TENM4: variants seen among roughly 807,000 people sequenced by gnomAD.
TENM4 encodes the protein teneurin-4.
Under a neutral mutation model 243.3 loss-of-function variants are expected in TENM4, and 82 were observed. The ratio of observed to expected loss-of-function variants is 0.34; its 90% CI spans 0.28 to 0.40. The LOEUF is 0.40. TENM4 is among the 10% of genes least tolerant of loss of function. The pLI, the probability that TENM4 is intolerant of heterozygous loss-of-function variation, is 1.00. For synonymous variants in TENM4, 1,412 were observed against 1,456.3 expected (o/e 0.97, Z 0.69); for missense variants, 3,138 against 3,673.3 (o/e 0.85, Z 3.77).
At chr11:78,964,491 T>A (rs1230994250) in intron 6 of TENM4, among the ~76,000 whole-genome samples, 1 of 152,200 alleles carries the variant, frequency 6.6e-6, no homozygotes, top group African/African-American at 2.4e-5. Context: ...AGGTACAACC[T>A]CTGGGTGGCT....
At chr11:79,196,156 C>A (rs1215878130) in intron 3 of TENM4, among the ~76,000 whole-genome samples, 1 of 152,110 alleles carries the variant, frequency 6.6e-6, no homozygotes, top group Non-Finnish European at 1.5e-5. Flanking sequence ...TCCTGTTAAA[C>A]TTCTTTTTGT....
chr11:79,240,813 T>G (rs1864574910), intron 2 of TENM4, among the ~76,000 whole-genome samples: 1 of 152,108 alleles, frequency 6.6e-6, no homozygotes. Context: ...TTCTTTCAAG[T>G]TTTTCTACTT....
intron 1 of TENM4, among the ~76,000 whole-genome samples, chr11:79,370,577 C>G (rs1857761641): frequency 6.6e-6 from 1 of 152,100 alleles, no homozygotes; most frequent in Non-Finnish European, 1.5e-5. Context: ...AAACAAAACT[C>G]TTTATCCTCC....
At chr11:78,793,609 C>T (rs1343882964) in intron 15 of TENM4, among the ~76,000 whole-genome samples, 1 of 152,162 alleles carries the variant, frequency 6.6e-6, no homozygotes, top group Admixed American at 6.5e-5. Context: ...AAAGTCCAAG[C>T]CAAACCATTA....
At chr11:78,760,354 A>G (rs1856401836) in intron 18 of TENM4, among the ~76,000 whole-genome samples, 1 of 152,230 alleles carries the variant, frequency 6.6e-6, no homozygotes. Flanking sequence ...TTTGGACCCC[A>G]GTTCCCAATT....
intron 6 of TENM4, among the ~76,000 whole-genome samples, chr11:79,054,498 C>T (rs929378737): frequency 6.6e-6 from 1 of 151,696 alleles, no homozygotes; most frequent in Non-Finnish European, 1.5e-5. Flanking sequence ...ATTCCAGGTA[C>T]CATCTTTTTT....
chr11:79,012,076 A>C (rs1241818990), intron 6 of TENM4, among the ~76,000 whole-genome samples: 1 of 152,212 alleles, frequency 6.6e-6, no homozygotes, highest in Non-Finnish European at 1.5e-5. Flanking sequence ...TGGGAGGATC[A>C]AGGAGGAACA....
chr11:79,305,489 G>A (rs1168824412), intron 1 of TENM4, among the ~76,000 whole-genome samples: 2 of 152,164 alleles, frequency 1.3e-5, no homozygotes, highest in African/African-American at 4.8e-5. Flanking sequence ...CAACTCTACC[G>A]GGATGGAATG....
At chr11:78,822,615 A>G in intron 12 of TENM4, among the ~76,000 whole-genome samples, 1 of 152,160 alleles carries the variant, frequency 6.6e-6, no homozygotes, top group Non-Finnish European at 1.5e-5. Flanking sequence ...TAGTTAAGGC[A>G]TGTGGGGCTT....
intron 19 of TENM4, among the ~76,000 whole-genome samples, chr11:78,739,051 T>C (rs1855864148): frequency 6.6e-6 from 1 of 151,990 alleles, no homozygotes; most frequent in South Asian, 2.1e-4. Context: ...TTATTAACAG[T>C]CTCATTGGAA....
intron 1 of TENM4, among the ~76,000 whole-genome samples, chr11:79,382,018 AT>A (rs773368822): frequency 1.3e-5 from 2 of 152,196 alleles, no homozygotes; most frequent in Non-Finnish European, 2.9e-5. Flanking sequence ...TTTAGGGAGC[AT>A]TTGGCACGTG....
intron 2 of TENM4, among the ~76,000 whole-genome samples, chr11:79,276,048 T>C (rs1480394883): frequency 4.0e-5 from 6 of 151,838 alleles, no homozygotes; most frequent in Non-Finnish European, 8.8e-5. Context: ...ACTGTAAAGC[T>C]GAAAGAGACC....
intron 6 of TENM4, among the ~76,000 whole-genome samples, chr11:79,041,140 T>C (rs923868429): frequency 2.0e-5 from 3 of 151,678 alleles, no homozygotes; most frequent in African/African-American, 7.3e-5. Context: ...CTTAGCTCAA[T>C]GCAACCTCCG....
intron 6 of TENM4, among the ~76,000 whole-genome samples, chr11:79,027,158 G>A (rs769106473): frequency 6.6e-6 from 1 of 152,190 alleles, no homozygotes; most frequent in Non-Finnish European, 1.5e-5. Flanking sequence ...AAGGAATGCT[G>A]TAAAATTTAG....
At chr11:78,893,092 G>C (rs935980617) in intron 7 of TENM4, among the ~76,000 whole-genome samples, 8 of 152,246 alleles carry the variant, frequency 5.3e-5, no homozygotes, top group African/African-American at 1.9e-4. Context: ...CTTTTGGTGA[G>C]TCGTGAAGCA....
chr11:78,915,417 G>A (rs949206694), intron 6 of TENM4, among the ~76,000 whole-genome samples: 11 of 152,024 alleles, frequency 7.2e-5, no homozygotes, highest in Non-Finnish European at 7.4e-5. Context: ...GGCTAGAAGT[G>A]GATGATTACC....
rs115775954 is a variant in TENM4 at position 78,671,155 on chromosome 11, A to G, written c.5794-604T>C. ...TTGCACAATGACAGGTCATAAGCCT[A>G]CTCTGGGATAGGGCAGACTGTGATG... On this transcript the variant is annotated intron_variant, in intron 31 of 33. Coordinates refer to ENST00000278550, the MANE Select transcript of TENM4 (RefSeq NM_001098816.3). Among the ~76,000 whole-genome samples, 502 of 152,282 alleles carry G rather than the reference A, an allele frequency of 3.3e-3. 2 individuals are homozygous for G. Among genetic ancestry groups the G allele is most frequent in the African/African-American group, 0.012 (479 of 41,548 alleles).
At chr11:78,717,243 G>T (rs1225489176) in intron 25 of TENM4, among the ~76,000 whole-genome samples, 1 of 152,206 alleles carries the variant, frequency 6.6e-6, no homozygotes, top group Non-Finnish European at 1.5e-5. Context: ...TCTGGATGGT[G>T]TTTGGAATTT....
intron 1 of TENM4, among the ~76,000 whole-genome samples, chr11:79,412,329 C>T (rs1292365554): frequency 6.6e-6 from 1 of 152,216 alleles, no homozygotes; most frequent in Non-Finnish European, 1.5e-5. Flanking sequence ...GGGTGACAGA[C>T]CCTCTGTTGT....
Sources: allele counts gnomAD v4.1 joint callset (sites outside exome capture counted in the v4.1 genomes callset), GRCh38; gene constraint gnomAD v4.1.1; transcripts MANE v1.5; gene names NCBI Gene and HGNC (gene_info 2026-07-23, HGNC 2026-07-21).